Variants in PTPRD observed in about 807,000 individuals in gnomAD.
The protein encoded by PTPRD is receptor-type tyrosine-protein phosphatase delta.
A neutral mutation model predicts 214.5 loss-of-function variants in PTPRD; 34 were observed. The observed-to-expected ratio is 0.16, with a 90% CI of 0.12 to 0.21. The LOEUF is 0.21. Among genes scored for constraint, PTPRD ranks in the 10% least tolerant of loss-of-function variants. The probability of loss-of-function intolerance (pLI) is 1.00; values close to 1 mark genes in which losing one functional copy is unlikely to be tolerated. For missense variants in PTPRD, 2,545 were observed against 2,398.7 expected, an observed-to-expected ratio of 1.06 and a Z score of -1.27; for synonymous variants, 1,128 against 845.7, an observed-to-expected ratio of 1.33 and a Z score of -5.79.
At chr9:9,555,821 T>C (rs1057013812) in intron 8 of PTPRD, among the ~76,000 whole-genome samples, 28 of 152,192 alleles carry the variant, frequency 1.8e-4, no homozygotes, top group Non-Finnish European at 2.9e-4. Flanking sequence ...ATTAAATTTT[T>C]TAATGCAAAT....
In PTPRD at chr9:8,518,137, G is replaced by T. The variant is rs1160309918; in HGVS notation, c.1254C>A (p.Ser418=). Residue 418 remains serine (S), a synonymous_variant, in exon 21 of 46, where the codon TCC becomes TCA. Transcript: ENST00000381196. ...VLTQTSEQAP[S]SAPRDVQARM... ...GTGCCTGGACATCCCTCGGGGCACT[G>T]GATGGTGCTTGCTCTGAGGTTTGTG... 6.2e-7 allele frequency: 1 copy of T among 1,614,170 alleles called. No homozygotes were observed. The highest frequency in any genetic ancestry group is 1.7e-5 in the Admixed American group (1 of 60,018).
intron 11 of PTPRD, among the ~76,000 whole-genome samples, chr9:8,809,203 T>C (rs73640954): frequency 0.016 from 2,367 of 152,236 alleles, 61 homozygotes; most frequent in African/African-American, 0.054. Context: ...GTTGTTAAAA[T>C]GTCACATAAT....
At chr9:9,982,943 G>A (rs2095594043) in intron 4 of PTPRD, among the ~76,000 whole-genome samples, 1 of 151,948 alleles carries the variant, frequency 6.6e-6, no homozygotes, top group Non-Finnish European at 1.5e-5. Flanking sequence ...TTTTCTGTAT[G>A]GAAAAACAAG....
chr9:8,516,106 T>C (rs1405779837), intron 21 of PTPRD, among the ~76,000 whole-genome samples: 1 of 152,228 alleles, frequency 6.6e-6, no homozygotes, highest in African/African-American at 2.4e-5. Context: ...ATTTTTTAAT[T>C]GTTATGTAGC....
At chr9:9,441,700 GA>G (rs202034760) in intron 8 of PTPRD, among the ~76,000 whole-genome samples, 5 of 150,180 alleles carry the variant, frequency 3.3e-5, no homozygotes, top group Admixed American at 6.6e-5. Context: ...AGTTAAAACC[GA>G]AAAAAAAATC....
intron 5 of PTPRD, among the ~76,000 whole-genome samples, chr9:9,834,805 G>A (rs1424685813): frequency 6.6e-6 from 1 of 152,020 alleles, no homozygotes; most frequent in East Asian, 1.9e-4. Flanking sequence ...CTGCTAAAGA[G>A]GGACACTAGA....
At chr9:8,639,930 A>C (rs1044963336) in intron 12 of PTPRD, among the ~76,000 whole-genome samples, 26 of 152,032 alleles carry the variant, frequency 1.7e-4, no homozygotes, top group African/African-American at 6.0e-4. Flanking sequence ...CAGGCATTGA[A>C]GTTTTTTGTT....
intron 10 of PTPRD, among the ~76,000 whole-genome samples, chr9:9,154,074 G>C (rs2099879149): frequency 6.6e-6 from 1 of 152,142 alleles, no homozygotes; most frequent in South Asian, 2.1e-4. Flanking sequence ...TGTGGTGCTT[G>C]ATTTGTCTGC....
At chr9:8,642,142 G>C (rs1481233000) in intron 12 of PTPRD, among the ~76,000 whole-genome samples, 1 of 150,776 alleles carries the variant, frequency 6.6e-6, no homozygotes, top group Admixed American at 6.6e-5. Flanking sequence ...TAGAGTTGAG[G>C]TATATGATTG....
intron 5 of PTPRD, among the ~76,000 whole-genome samples, chr9:9,825,059 C>T (rs992035685): frequency 1.3e-5 from 2 of 151,836 alleles, no homozygotes; most frequent in South Asian, 4.1e-4. Context: ...GTTCCTAAAT[C>T]CATTAATTAA....
chr9:8,705,618 C>T (rs528098073), intron 12 of PTPRD, among the ~76,000 whole-genome samples: 1 of 152,224 alleles, frequency 6.6e-6, no homozygotes, highest in East Asian at 1.9e-4. Flanking sequence ...AAAGATATAT[C>T]TGCTTCTTAA....
At chr9:8,512,233 A>C (rs946935861) in intron 21 of PTPRD, among the ~76,000 whole-genome samples, 1 of 152,088 alleles carries the variant, frequency 6.6e-6, no homozygotes, top group Non-Finnish European at 1.5e-5. Flanking sequence ...AACAAAGCAA[A>C]ATTCAAAACA....
At chr9:9,989,820 C>T (rs574202747) in intron 4 of PTPRD, among the ~76,000 whole-genome samples, 1 of 152,338 alleles carries the variant, frequency 6.6e-6, no homozygotes, top group East Asian at 1.9e-4. Context: ...CTACGGGGTT[C>T]GTTCTTGCTG....
chr9:8,920,800 CTTAT>C (rs201981267), intron 11 of PTPRD, among the ~76,000 whole-genome samples: 6 of 151,672 alleles, frequency 4.0e-5, no homozygotes, highest in East Asian at 2.0e-4. Context: ...TCTCCATTTT[CTTAT>C]TTATTTATTT....
chr9:8,795,979 G>A (rs1042773269), intron 11 of PTPRD, among the ~76,000 whole-genome samples: 1 of 152,056 alleles, frequency 6.6e-6, no homozygotes, highest in Non-Finnish European at 1.5e-5. Flanking sequence ...TTTTAACTTC[G>A]ATAAGAAAAC....
chr9:9,559,748 T>C (rs2082421821), intron 8 of PTPRD, among the ~76,000 whole-genome samples: 1 of 152,194 alleles, frequency 6.6e-6, no homozygotes, highest in South Asian at 2.1e-4. Context: ...TCCAGTTCTG[T>C]TGTCAAGTGG....
intron 11 of PTPRD, among the ~76,000 whole-genome samples, chr9:8,803,568 A>C (rs2096613748): frequency 6.6e-6 from 1 of 152,122 alleles, no homozygotes; most frequent in African/African-American, 2.4e-5. Flanking sequence ...CCCCGGTTCT[A>C]CAAAAAATTA....
chr9:9,715,342 T>C (rs1383560888), intron 7 of PTPRD, among the ~76,000 whole-genome samples: 3 of 152,220 alleles, frequency 2.0e-5, no homozygotes, highest in Non-Finnish European at 4.4e-5. Flanking sequence ...TAAATGTTTG[T>C]TGAATTGACT....
intron 10 of PTPRD, among the ~76,000 whole-genome samples, chr9:9,177,212 G>A (rs926102240): frequency 2.6e-5 from 4 of 151,942 alleles, no homozygotes; most frequent in Admixed American, 6.6e-5. Context: ...AGGGAAAACA[G>A]CCCCTTATAA....
Sources: gnomAD v4.1 joint callset for allele counts (sites outside exome capture counted in the v4.1 genomes callset) on GRCh38, gnomAD v4.1.1 for gene constraint, MANE v1.5 for transcripts, NCBI Gene and HGNC (gene_info 2026-07-23, HGNC 2026-07-21) for gene names.